The following IL23R variants were observed in gnomAD, a reference collection of about 807,000 sequenced individuals.
The protein encoded by IL23R is interleukin 23 receptor, also known as interleukin-23 receptor.
Under a neutral mutation model 56.9 loss-of-function variants are expected in IL23R, and 34 were observed. The observed-to-expected ratio is 0.60, with a 90% CI of 0.45 to 0.80. The LOEUF is 0.80. IL23R is among the 30% of genes least tolerant of loss of function. The probability of loss-of-function intolerance (pLI) is 0.00; values close to 1 mark genes in which losing one functional copy is unlikely to be tolerated. For missense variants in IL23R, 635 were observed against 730.0 expected, an observed-to-expected ratio of 0.87 and a Z score of 1.50; for synonymous variants, 230 against 249.2, an observed-to-expected ratio of 0.92 and a Z score of 0.73.
intron 9 of IL23R, among the ~76,000 whole-genome samples, chr1:67,242,352 T>C (rs1651907458): frequency 6.6e-6 from 1 of 152,174 alleles, no homozygotes; most frequent in Non-Finnish European, 1.5e-5. Context: ...TGCAAAATCC[T>C]TCACAAATAA....
chr1:67,258,494 T>C lies in IL23R; in HGVS notation c.1256T>C (p.Met419Thr). 6.3e-7 allele frequency: 1 copy of C among 1,597,624 alleles called. No homozygotes were observed. The highest frequency in any genetic ancestry group is 8.5e-7 in the Non-Finnish European group (1 of 1,172,932). The change falls in exon 11 of 11, where the codon ATG becomes ACG. Residue 419 changes from methionine (M) to threonine (T), a missense_variant. By Grantham distance (81) the Met-to-Thr change is moderately conservative (BLOSUM62 -1). Transcript: ENST00000347310. ...VKMLQENSELMNNNSSEQVLY... is the reference protein window; with the variant it reads ...VKMLQENSELTNNNSSEQVLY... ...TTTTCCTAGGAAAATAGTGAACTTA[T>C]GAATAATAATTCCAGTGAGCAGGTC...
chr1:67,265,873 CA>C, the IL23R span, among the ~76,000 whole-genome samples: 59 of 141,418 alleles, frequency 4.2e-4, no homozygotes, highest in Middle Eastern at 3.6e-3. Flanking sequence ...GACCCTGTCT[CA>C]AAAAAAAAAA....
chr1:67,229,674 AC>A (rs985228467), intron 7 of IL23R, among the ~76,000 whole-genome samples: 1 of 152,234 alleles, frequency 6.6e-6, no homozygotes, highest in Non-Finnish European at 1.5e-5. Context: ...TCGTTAGCAT[AC>A]AAAATGACCG....
At chr1:67,248,971 GC>G (rs895950766) in intron 9 of IL23R, among the ~76,000 whole-genome samples, 3 of 151,376 alleles carry the variant, frequency 2.0e-5, no homozygotes, top group East Asian at 1.9e-4. Context: ...CCCTGCTTCA[GC>G]CCCCCCTCCA....
At position 67,258,588 on chromosome 1, in the gene IL23R, CAAG is replaced by C. The variant is rs1653077485; in HGVS notation, c.1354_1356del (p.Lys452del). 2 of 1,613,348 alleles carry C rather than the reference CAAG, an allele frequency of 1.2e-6. No homozygotes were observed. The highest frequency in any genetic ancestry group is 1.7e-5 in the Admixed American group (1 of 59,942). On this transcript the variant is annotated inframe_deletion, in exon 11 of 11. Coordinates refer to ENST00000347310, the MANE Select transcript of IL23R (RefSeq NM_144701.3). ...TCCCAGAACACAAGCCTACAGACTA[CAAG>C]AAGGAGAATACAGGACCCCTGGAGA...
chr1:67,174,909 C>T (rs1646988443), intron 3 of IL23R, among the ~76,000 whole-genome samples: 1 of 152,152 alleles, frequency 6.6e-6, no homozygotes. Context: ...CCACCAGCAA[C>T]TTACAGCTCA....
At chr1:67,212,237 T>C (rs1012204859) in intron 6 of IL23R, among the ~76,000 whole-genome samples, 3 of 152,192 alleles carry the variant, frequency 2.0e-5, no homozygotes, top group African/African-American at 4.8e-5. Flanking sequence ...TCCAGATCAC[T>C]CAAGCCAAGT....
chr1:67,209,114 A>G (rs1404495569), intron 6 of IL23R, among the ~76,000 whole-genome samples: 6 of 152,160 alleles, frequency 3.9e-5, no homozygotes, highest in Non-Finnish European at 8.8e-5. Context: ...CCCATTTGGA[A>G]TGGCTGTATT....
At chr1:67,228,944 T>C (rs537383017) in intron 7 of IL23R, among the ~76,000 whole-genome samples, 8 of 152,332 alleles carry the variant, frequency 5.3e-5, no homozygotes, top group African/African-American at 1.9e-4. Flanking sequence ...AAGAACATAC[T>C]CAATTTCTCT....
chr1:67,245,573 G>T (rs1238546901), intron 9 of IL23R, among the ~76,000 whole-genome samples: 1 of 152,108 alleles, frequency 6.6e-6, no homozygotes, highest in Non-Finnish European at 1.5e-5. Context: ...TTATCATGTG[G>T]TTTTCATCAT....
intron 9 of IL23R, among the ~76,000 whole-genome samples, chr1:67,243,584 T>A (rs922861918): frequency 1.3e-5 from 2 of 152,182 alleles, no homozygotes; most frequent in African/African-American, 4.8e-5. Context: ...CTTGTGTTAG[T>A]TTGCTGAGAA....
intron 3 of IL23R, among the ~76,000 whole-genome samples, chr1:67,174,808 T>G (rs1646987592): frequency 6.6e-6 from 1 of 152,156 alleles, no homozygotes; most frequent in African/African-American, 2.4e-5. Flanking sequence ...TCTTTTCCAG[T>G]CTGCTAGGTA....
intron 1 of IL23R, among the ~76,000 whole-genome samples, chr1:67,139,940 G>A (rs1012250528): frequency 5.3e-5 from 8 of 152,120 alleles, no homozygotes; most frequent in Admixed American, 5.2e-4. Flanking sequence ...TCATGGGAGT[G>A]GGATTGGTGG....
intron 1 of IL23R, among the ~76,000 whole-genome samples, chr1:67,146,941 G>A (rs954187466): frequency 6.6e-6 from 1 of 152,132 alleles, no homozygotes; most frequent in Non-Finnish European, 1.5e-5. Context: ...CGGTCCATAG[G>A]GATGGGCACA....
chr1:67,213,215 A>G (rs1473169928), intron 6 of IL23R, among the ~76,000 whole-genome samples: 1 of 152,146 alleles, frequency 6.6e-6, no homozygotes, highest in Admixed American at 6.5e-5. Flanking sequence ...TTATTCCCAT[A>G]CATAACATGG....
rs572690197 is a variant in IL23R at position 67,219,427 on chromosome 1, C to T, written c.799-147C>T. 2.6e-4 allele frequency: 181 copies of T among 703,330 alleles called. 1 individual carries two copies. The highest frequency in any genetic ancestry group is 8.4e-4 in the South Asian group (49 of 58,094). 43.6% of individuals were successfully genotyped at this position (703,330 alleles called of 1,614,324 possible). ...TTCAGAGACAGTATTTGATTATGTA[C>T]GGCCACGTTTTATATAAAGAACACT... On this transcript the variant is annotated intron_variant, in intron 6 of 10. Coordinates refer to ENST00000347310, the MANE Select transcript of IL23R (RefSeq NM_144701.3).
chr1:67,260,129 T>C (rs1421147093), downstream of IL23R: 1 of 152,146 alleles, frequency 6.6e-6, no homozygotes, highest in East Asian at 1.9e-4. Context: ...AGTTAGTCGT[T>C]TGCTGTATTA....
intron 4 of IL23R, among the ~76,000 whole-genome samples, chr1:67,186,499 A>C (rs1296140606): frequency 1.3e-5 from 2 of 151,688 alleles, no homozygotes; most frequent in African/African-American, 4.8e-5. Context: ...ATTTCCCCTC[A>C]ATCTTCCCAG....
At position 67,168,146 on chromosome 1, in the gene IL23R, A is replaced by T. The variant is rs1215777747; in HGVS notation, c.26A>T (p.Asp9Val). 1.2e-6 allele frequency: 2 copies of T among 1,611,988 alleles called. No individual in the cohort carries two copies. The highest frequency in any genetic ancestry group is 1.3e-5 in the African/African-American group (1 of 74,894). The change falls in exon 2 of 11, where the codon GAT becomes GTT. Residue 9 changes from aspartate (D) to valine (V), a missense_variant. Physicochemically the swap from Asp to Val is radical, Grantham distance 152. Coordinates refer to ENST00000347310, the MANE Select transcript of IL23R (RefSeq NM_144701.3). MNQVTIQW[D>V]AVIALYILFS... The stretch of plus-strand genomic sequence containing the variant: ...ATGAATCAGGTCACTATTCAATGGG[A>T]TGCAGTAATAGCCCTTTACATACTC...
Sources: gnomAD v4.1 joint callset for allele counts (sites outside exome capture counted in the v4.1 genomes callset) on GRCh38, gnomAD v4.1.1 for gene constraint, MANE v1.5 for transcripts, NCBI Gene and HGNC (gene_info 2026-07-23, HGNC 2026-07-21) for gene names.